Variants in KALRN observed in about 807,000 individuals in gnomAD.
KALRN encodes the protein kalirin RhoGEF kinase, also known as kalirin.
KALRN carries 70 observed loss-of-function variants against 353.7 expected under a neutral mutation model. The observed-to-expected ratio is 0.20, with a 90% confidence interval of 0.16 to 0.24. The LOEUF is 0.24. Ranked by LOEUF, KALRN falls within the 10% of genes least tolerant of loss-of-function variation. The pLI is 1.00. For missense variants in KALRN, 2,791 were observed against 3,756.7 expected (o/e 0.74, Z 6.72); for synonymous variants, 1,391 against 1,434.8 (o/e 0.97, Z 0.69).
rs141269000 is a variant in KALRN at position 124,612,492 on chromosome 3, C to T, written c.5183-19928C>T. On this transcript the variant is annotated intron_variant, in intron 34 of 59. Transcript: ENST00000682506. The stretch of plus-strand genomic sequence containing the variant: ...TGCTGGGATTACAGGCGTGAGCCAC[C>T]GCGCCCAGCAATTTTTGTATTTTTA... Among the ~76,000 whole-genome samples, 306 of 152,278 alleles carry T rather than the reference C, an allele frequency of 2.0e-3. 1 individual carries two copies. The highest frequency in any genetic ancestry group is 6.8e-3 in the African/African-American group (282 of 41,556).
Position 124,413,587 on chromosome 3 carries a change from G to A in KALRN, c.2464G>A (p.Ala822Thr). 1 of 1,614,126 alleles carries A rather than the reference G, an allele frequency of 6.2e-7. No individual in the cohort carries two copies. The change falls in exon 14 of 60, where the codon GCC (alanine) becomes ACC (threonine). Residue 822 changes from alanine to threonine, a missense_variant. By Grantham distance (58) the Ala-to-Thr change is moderately conservative. Around this residue, in one of 11 missense-constraint regions of KALRN, gnomAD observed 452 missense variants for 575.8 expected, o/e 0.78. Coordinates refer to ENST00000682506, the MANE Select transcript of KALRN (RefSeq NM_001388419.1). ...GCAGCGCCACACAGAACGGAAGCTA[G>A]CCATGAACAACATGACCTTTGAGGT... is the stretch of plus-strand genomic sequence containing the variant. ...RLQRHTERKLAMNNMTFEVIQ... is the reference protein window; with the variant it reads ...RLQRHTERKLTMNNMTFEVIQ...
chr3:124,197,553 A>T (rs536596801), intron 1 of KALRN, among the ~76,000 whole-genome samples: 5 of 152,322 alleles, frequency 3.3e-5, no homozygotes, highest in Middle Eastern at 3.4e-3. Context: ...GGTTGTGGGC[A>T]AGAACTTTCC....
intron 6 of KALRN, among the ~76,000 whole-genome samples, chr3:124,304,864 C>A (rs1488501179): frequency 2.6e-5 from 4 of 152,298 alleles, no homozygotes. Flanking sequence ...TATCCTGCCC[C>A]AAACTACGTG....
At chr3:124,663,828 A>C in intron 45 of KALRN, among the ~76,000 whole-genome samples, 1 of 152,174 alleles carries the variant, frequency 6.6e-6, no homozygotes. Flanking sequence ...CCACTGTATG[A>C]ATAATTTACG....
chr3:124,084,328 T>C (rs1348447705), intron 1 of KALRN, among the ~76,000 whole-genome samples: 7 of 152,208 alleles, frequency 4.6e-5, no homozygotes, highest in Non-Finnish European at 1.0e-4. Flanking sequence ...TGACAGGTCA[T>C]GGTGGCTGGG....
chr3:124,669,919 G>A (rs957534440), intron 47 of KALRN, among the ~76,000 whole-genome samples: 1 of 150,026 alleles, frequency 6.7e-6, no homozygotes, highest in Non-Finnish European at 1.5e-5. Flanking sequence ...CTCTGTACAT[G>A]TTCAGTACAG....
At chr3:124,567,717 A>G (rs2073028655) in intron 34 of KALRN, among the ~76,000 whole-genome samples, 1 of 152,220 alleles carries the variant, frequency 6.6e-6, no homozygotes, top group Non-Finnish European at 1.5e-5. Context: ...GGAGGTTTCT[A>G]AAAATACTGA....
chr3:124,546,945 A>T lies in KALRN; in HGVS notation c.4936-15898A>T, dbSNP rs139338194. 2.4e-3 allele frequency among the ~76,000 whole-genome samples: 369 copies of T among 152,298 alleles called. 2 individuals are homozygous for T. The highest frequency in any genetic ancestry group is 7.9e-3 in the African/African-American group (329 of 41,552). ...GTCCTGGCTGTGAATCCAGAGGCAGAATACTCACACGGATTTGTTGAATGA... is the reference window on the plus strand; with the variant it reads ...GTCCTGGCTGTGAATCCAGAGGCAGTATACTCACACGGATTTGTTGAATGA... On this transcript the variant is annotated intron_variant, in intron 33 of 59. Transcript: ENST00000682506.
chr3:124,597,484 A>G (rs2076381535), intron 34 of KALRN, among the ~76,000 whole-genome samples: 1 of 152,196 alleles, frequency 6.6e-6, no homozygotes, highest in Non-Finnish European at 1.5e-5. Flanking sequence ...TCCCCAGGGG[A>G]TGCAGGGTTC....
At chr3:124,280,901 C>T (rs1253904151) in intron 5 of KALRN, among the ~76,000 whole-genome samples, 1 of 152,148 alleles carries the variant, frequency 6.6e-6, no homozygotes, top group Non-Finnish European at 1.5e-5. Context: ...ATTCCTGTAT[C>T]CCATGGCTCT....
chr3:124,714,893 G>A (rs1426166564), intron 58 of KALRN, among the ~76,000 whole-genome samples: 2 of 152,042 alleles, frequency 1.3e-5, no homozygotes, highest in African/African-American at 2.4e-5. Flanking sequence ...GCAGGCACCT[G>A]TAATCCCAGC....
At chr3:124,428,925 G>T (rs1427945714) in intron 15 of KALRN, among the ~76,000 whole-genome samples, 1 of 152,120 alleles carries the variant, frequency 6.6e-6, no homozygotes, top group Non-Finnish European at 1.5e-5. Flanking sequence ...TTGGAGAAGT[G>T]GTTTCTCTGA....
intron 10 of KALRN, among the ~76,000 whole-genome samples, chr3:124,372,519 T>C (rs949589784): frequency 6.6e-6 from 1 of 151,968 alleles, no homozygotes; most frequent in Admixed American, 6.6e-5. Flanking sequence ...ATTATCATTA[T>C]CAGTAGTAAG....
chr3:124,580,162 A>G (rs961829043), intron 34 of KALRN, among the ~76,000 whole-genome samples: 21 of 152,350 alleles, frequency 1.4e-4, no homozygotes, highest in Admixed American at 1.0e-3. Context: ...CTACTAAATC[A>G]GCAGCTCTGG....
chr3:124,219,943 T>TTTTTG (rs1560268070), intron 1 of KALRN, among the ~76,000 whole-genome samples: 1 of 151,658 alleles, frequency 6.6e-6, no homozygotes, highest in East Asian at 1.9e-4. Context: ...GTAGGTTTTT[T>TTTTTG]TTTTGTTTTG....
intron 1 of KALRN, among the ~76,000 whole-genome samples, chr3:124,047,789 C>T (rs1252928793): frequency 1.3e-5 from 2 of 151,830 alleles, no homozygotes; most frequent in Non-Finnish European, 2.9e-5. Context: ...AGGCATGAGC[C>T]ACGGCGCCCG....
chr3:124,051,395 C>T (rs2041030570), intron 1 of KALRN, among the ~76,000 whole-genome samples: 1 of 152,144 alleles, frequency 6.6e-6, no homozygotes, highest in Non-Finnish European at 1.5e-5. Context: ...ATCTGCTTTC[C>T]AAGTCTCTTC....
At chr3:124,057,592 C>A (rs1304786078) in intron 1 of KALRN, among the ~76,000 whole-genome samples, 1 of 152,018 alleles carries the variant, frequency 6.6e-6, no homozygotes, top group Non-Finnish European at 1.5e-5. Context: ...AATCTTTTTG[C>A]TTTGGCCCTG....
chr3:124,620,702 G>A (rs1463888510), intron 34 of KALRN, among the ~76,000 whole-genome samples: 1 of 152,326 alleles, frequency 6.6e-6, no homozygotes, highest in African/African-American at 2.4e-5. Flanking sequence ...AGTCCAGTGA[G>A]TCAGCACAGC....
Sources: gnomAD v4.1 joint callset for allele counts (sites outside exome capture counted in the v4.1 genomes callset) on GRCh38, gnomAD v4.1.1 for gene constraint, gnomAD v4.1.1 regional missense constraint, MANE v1.5 for transcripts, NCBI Gene and HGNC (gene_info 2026-07-23, HGNC 2026-07-21) for gene names.